The following ERG variants were observed in gnomAD, a reference collection of about 807,000 sequenced individuals.
ERG encodes transcriptional regulator ERG.
ERG carries 9 observed loss-of-function variants against 55.3 expected under a neutral mutation model. The ratio of observed to expected loss-of-function variants is 0.16; its 90% CI spans 0.10 to 0.28. The LOEUF is 0.28. Among genes scored for constraint, ERG ranks in the 10% least tolerant of loss-of-function variants. The pLI is 1.00. For missense variants in ERG, 434 were observed against 631.6 expected (o/e 0.69, Z 3.35); for synonymous variants, 223 against 237.3 (o/e 0.94, Z 0.55).
Position 38,455,994 on chromosome 21 carries a change from C to T in ERG, c.19-10373G>A, listed in dbSNP as rs73439054. ...CACTGGCCATGGGGCTCCACCACTC[C>T]GTGCCCCTCATGTACCAAGTCTTCA... On this transcript the variant is annotated intron_variant, in intron 1 of 9. Coordinates refer to ENST00000288319, the MANE Select transcript of ERG (RefSeq NM_182918.4). Among the ~76,000 whole-genome samples, 871 of 152,270 alleles carry T rather than the reference C, an allele frequency of 5.7e-3. 9 individuals carry two copies. The highest frequency in any genetic ancestry group is 0.019 in the African/African-American group (806 of 41,560).
At chr21:38,544,898 A>G (rs545190512) in intron 2 of ERG, among the ~76,000 whole-genome samples, 20 of 151,904 alleles carry the variant, frequency 1.3e-4, no homozygotes, top group Non-Finnish European at 2.6e-4. Context: ...TCCCCTCCCC[A>G]CAGTCAGCTC....
At chr21:38,473,792 ATATG>A (rs927206522) in intron 1 of ERG, among the ~76,000 whole-genome samples, 7 of 113,142 alleles carry the variant, frequency 6.2e-5, no homozygotes, top group South Asian at 2.7e-4. Flanking sequence ...ATAAATATAT[ATATG>A]TGTGTGTGTG....
At chr21:38,650,748 G>A (rs1184927641) in intron 1 of ERG, among the ~76,000 whole-genome samples, 2 of 152,222 alleles carry the variant, frequency 1.3e-5, no homozygotes, top group Non-Finnish European at 2.9e-5. Flanking sequence ...CAAATGGCAT[G>A]TAAGCACTGT....
chr21:38,470,644 T>C (rs1010459061), intron 1 of ERG: 1 of 152,172 alleles, frequency 6.6e-6, no homozygotes, highest in Admixed American at 6.5e-5. Flanking sequence ...TTACATTTTA[T>C]AATTACATTT....
intron 1 of ERG, among the ~76,000 whole-genome samples, chr21:38,473,788 A>G (rs1337672725): frequency 1.8e-5 from 2 of 112,524 alleles, no homozygotes; most frequent in African/African-American, 5.3e-5. Context: ...AGGCATAAAT[A>G]TATATATGTG....
At chr21:38,416,988 A>G (rs769286253) in intron 3 of ERG, among the ~76,000 whole-genome samples, 1 of 152,234 alleles carries the variant, frequency 6.6e-6, no homozygotes, top group Non-Finnish European at 1.5e-5. Flanking sequence ...GTCCTGTCAT[A>G]GCAATCTCCA....
chr21:38,649,419 G>C (rs889473308), intron 1 of ERG, among the ~76,000 whole-genome samples: 1 of 152,184 alleles, frequency 6.6e-6, no homozygotes, highest in Non-Finnish European at 1.5e-5. Context: ...CAAACGTTCT[G>C]GTTACCGGGG....
At chr21:38,433,409 C>T (rs1163447060) in intron 2 of ERG, among the ~76,000 whole-genome samples, 1 of 152,078 alleles carries the variant, frequency 6.6e-6, no homozygotes, top group Non-Finnish European at 1.5e-5. Context: ...GTCGTCCATA[C>T]ATAATACCCC....
intron 1 of ERG, among the ~76,000 whole-genome samples, chr21:38,606,939 T>C (rs1321380793): frequency 6.6e-6 from 1 of 152,100 alleles, no homozygotes; most frequent in Admixed American, 6.6e-5. Context: ...TCAGATTTTT[T>C]TTTAAAAAAG....
At chr21:38,574,306 AAG>A (rs1354549937) in intron 2 of ERG, among the ~76,000 whole-genome samples, 1 of 152,208 alleles carries the variant, frequency 6.6e-6, no homozygotes, top group Non-Finnish European at 1.5e-5. Context: ...TCACATCCAC[AAG>A]AGATTTCCTA....
chr21:38,508,668 A>C (rs2059488175), intron 2 of ERG, among the ~76,000 whole-genome samples: 1 of 152,218 alleles, frequency 6.6e-6, no homozygotes, highest in South Asian at 2.1e-4. Flanking sequence ...TATTGATTGC[A>C]TTTCTAGACA....
intron 1 of ERG, among the ~76,000 whole-genome samples, chr21:38,627,122 G>T (rs2060329642): frequency 6.7e-6 from 1 of 150,180 alleles, no homozygotes; most frequent in Non-Finnish European, 1.5e-5. Flanking sequence ...TTGCAAAAAA[G>T]AGTATTATTA....
chr21:38,388,427 T>G (rs1987807443), intron 9 of ERG, among the ~76,000 whole-genome samples: 1 of 152,202 alleles, frequency 6.6e-6, no homozygotes, highest in Non-Finnish European at 1.5e-5. Context: ...TCTTTCCACT[T>G]AAAATGATGA....
chr21:38,589,716 C>G (rs1316669480), upstream of ERG, among the ~76,000 whole-genome samples: 1 of 152,162 alleles, frequency 6.6e-6, no homozygotes, highest in Non-Finnish European at 1.5e-5. Flanking sequence ...GAGGATAAAA[C>G]CAATGTGCTG....
chr21:38,380,452 C>G lies in ERG; in HGVS notation c.*2951G>C. On this transcript the variant is annotated 3_prime_UTR_variant, in exon 10 of 10. Coordinates refer to ENST00000288319, the MANE Select transcript of ERG (RefSeq NM_182918.4). ...TGTGATTTGGTGATTTTACCACATA[C>G]AAGGCCCGAAAGCCAATTGAAGACA... 1 of 1,064,456 alleles carries G rather than the reference C, an allele frequency of 9.4e-7. No homozygotes were observed. Among genetic ancestry groups the G allele is most frequent in the African/African-American group, 1.6e-5 (1 of 61,112 alleles). 65.9% of individuals were successfully genotyped at this position (1,064,456 alleles called of 1,614,324 possible). A position where few individuals can be genotyped will look rare whatever the true frequency, so the allele number is the denominator to read the frequency against.
At chr21:38,610,986 G>A (rs570924644) in intron 1 of ERG, among the ~76,000 whole-genome samples, 32 of 152,300 alleles carry the variant, frequency 2.1e-4, no homozygotes, top group Non-Finnish European at 3.1e-4. Context: ...TAACTGCCTT[G>A]GAGGGAAGCA....
chr21:38,399,955 A>G, intron 6 of ERG: 1 of 213,040 alleles, frequency 4.7e-6, no homozygotes, highest in East Asian at 7.9e-5. Flanking sequence ...GAACAAACCA[A>G]GCTGAATGAA....
Position 38,383,448 on chromosome 21 carries a change from C to A in ERG, c.1395G>T (p.Arg465Ser). 6.6e-7 allele frequency: 1 copy of A among 1,516,316 alleles called. No homozygotes were observed. Among genetic ancestry groups the A allele is most frequent in the Non-Finnish European group, 8.8e-7 (1 of 1,131,986 alleles). The allele number at this position is 1,516,316 out of a possible 1,614,324, so 93.9% of individuals were successfully genotyped here. A position where few individuals can be genotyped will look rare whatever the true frequency, so the allele number is the denominator to read the frequency against. Residue 465 changes from arginine to serine, a missense_variant, in exon 10 of 10, where the codon AGG becomes AGT. Transcript: ENST00000288319. The surrounding 1 kb of genome is among the most constrained non-coding windows in gnomAD (Gnocchi z 5.7). ...SPTGGIYPNT[R>S]LPTSHMPSHL... ...GAGAAGGCATATGGCTGGTGGGGAGCCTAGTGTTGGGGTATATACCCCCAG... is the reference window on the plus strand; with the variant it reads ...GAGAAGGCATATGGCTGGTGGGGAGACTAGTGTTGGGGTATATACCCCCAG...
intron 6 of ERG, among the ~76,000 whole-genome samples, chr21:38,392,997 T>G (rs1411841421): frequency 6.6e-6 from 1 of 152,236 alleles, no homozygotes; most frequent in East Asian, 1.9e-4. Context: ...CTCATCAATT[T>G]ATATTAAATC....
Sources: allele counts gnomAD v4.1 joint callset (sites outside exome capture counted in the v4.1 genomes callset), GRCh38; gene constraint gnomAD v4.1.1; non-coding constraint Gnocchi (gnomAD v3.1); transcripts MANE v1.5; gene names NCBI Gene and HGNC (gene_info 2026-07-23, HGNC 2026-07-21).